FCRL2: variants seen among roughly 807,000 people sequenced by gnomAD.
FCRL2 encodes the protein Fc receptor-like protein 2.
FCRL2 carries 48 observed loss-of-function variants against 59.8 expected under a neutral mutation model. The ratio of observed to expected loss-of-function variants is 0.80; its 90% CI spans 0.64 to 1.02. FCRL2 has a LOEUF of 1.02. Ranked by LOEUF, FCRL2 falls within the 50% of genes least tolerant of loss-of-function variation. The probability of loss-of-function intolerance (pLI) is 0.00; values close to 1 mark genes in which losing one functional copy is unlikely to be tolerated. For synonymous variants in FCRL2, 251 were observed against 229.5 expected (o/e 1.09, Z -0.85); for missense variants, 658 against 597.3 (o/e 1.10, Z -1.06).
intron 7 of FCRL2, among the ~76,000 whole-genome samples, chr1:157,758,508 T>C (rs11587175): frequency 6.6e-5 from 10 of 151,622 alleles, no homozygotes; most frequent in Non-Finnish European, 1.5e-4. Context: ...TATTCCATGC[T>C]CATGGATAGG....
At chr1:157,771,872 T>A (rs533309487) in intron 2 of FCRL2, among the ~76,000 whole-genome samples, 1 of 152,032 alleles carries the variant, frequency 6.6e-6, no homozygotes, top group Non-Finnish European at 1.5e-5. Context: ...AAATAAGAGA[T>A]GTGGTGACTC....
In FCRL2 at chr1:157,768,660, C is replaced by T. The variant is rs777531752; in HGVS notation, c.637G>A (p.Gly213Arg). ...TTTTGTCCTTCAGTCACCTGTCCCC[C>T]GGGGGCCCGGATCTCCAAGCTTACA... The part of the protein sequence containing the change: ...SNVSLEIRAP[G>R]GQVTEGQKLI... Residue 213 changes from glycine (G) to arginine (R), a missense_variant, in exon 5 of 12, where the codon GGG becomes AGG. Physicochemically the swap from Gly to Arg is moderately radical, Grantham distance 125. Transcript: ENST00000361516. The T allele has an allele frequency of 4.2e-5, 68 of 1,613,700 alleles. No individual in the cohort carries two copies. In the East Asian group the frequency reaches 6.7e-4, roughly 16 times the overall value.
intron 2 of FCRL2, among the ~76,000 whole-genome samples, chr1:157,771,116 C>T (rs1649988412): frequency 2.0e-5 from 3 of 152,156 alleles, no homozygotes; most frequent in Non-Finnish European, 4.4e-5. Context: ...CCAAAGGCCC[C>T]ACCTACAAAT....
At position 157,770,118 on chromosome 1, in the gene FCRL2, A is replaced by T. The variant is rs1195456304; in HGVS notation, c.343T>A (p.Ser115Thr). Residue 115 changes from serine (S) to threonine (T), a missense_variant, in exon 4 of 12, where the codon TCC becomes ACC. Coordinates refer to ENST00000361516, the MANE Select transcript of FCRL2 (RefSeq NM_030764.4). ...GGACCCCCTTCGATGGGCTGGAAGG[A>T]GCTGGCAGTCAGCACAGGACGTTGA... ...LFQRPVLTAS[S>T]FQPIEGGPVS... 1.2e-6 allele frequency: 2 copies of T among 1,614,100 alleles called. No individual in the cohort carries two copies. The highest frequency in any genetic ancestry group is 3.3e-5 in the Admixed American group (2 of 60,024).
chr1:157,772,846 A>C (rs1163702618), intron 2 of FCRL2, among the ~76,000 whole-genome samples: 1 of 152,182 alleles, frequency 6.6e-6, no homozygotes, highest in East Asian at 1.9e-4. Flanking sequence ...TTTACTTAAG[A>C]GGTTCCAGAG....
In FCRL2 at chr1:157,746,591, A is replaced by G. The variant is rs552045772; in HGVS notation, c.*145T>C. On this transcript the variant is annotated 3_prime_UTR_variant, in exon 12 of 12. Transcript: ENST00000361516. ...AAGATATTGGAGAAGAAACATCATCAGGACAAAAATGACAGGAGGTGCCTC... is the reference window on the plus strand; with the variant it reads ...AAGATATTGGAGAAGAAACATCATCGGGACAAAAATGACAGGAGGTGCCTC... 1.2e-5 allele frequency: 8 copies of G among 675,168 alleles called. No homozygotes were observed. The highest frequency in any genetic ancestry group is 1.1e-4 in the South Asian group (6 of 53,790). 41.8% of individuals were successfully genotyped at this position (675,168 alleles called of 1,614,324 possible).
chr1:157,773,495 G>A (rs1348693408), intron 2 of FCRL2, among the ~76,000 whole-genome samples: 1 of 152,230 alleles, frequency 6.6e-6, no homozygotes, highest in Non-Finnish European at 1.5e-5. Context: ...AAATGAAGGT[G>A]ACTTGAAGTC....
chr1:157,770,774 A>G (rs1259563612), intron 2 of FCRL2, 108 bp from the exon 3 acceptor site: 2 of 1,219,030 alleles, frequency 1.6e-6, no homozygotes, highest in Admixed American at 2.5e-5. Flanking sequence ...TTTAAACAAG[A>G]TGGAAGTTCC....
chr1:157,776,937 G>C (rs1488116200), intron 1 of FCRL2, 106 bp downstream of exon 1: 1 of 1,098,364 alleles, frequency 9.1e-7, no homozygotes, highest in Non-Finnish European at 1.4e-6. Flanking sequence ...GGCAGGACCT[G>C]AGCATCCCCA....
rs1245453647 is a variant in FCRL2 at position 157,770,430 on chromosome 1, T to C, written c.289A>G (p.Ile97Val). The change falls in exon 3 of 12, where the codon ATA becomes GTA. Residue 97 changes from isoleucine to valine, a missense_variant. Physicochemically the swap from Ile to Val is conservative, Grantham distance 29 (BLOSUM62 3). Transcript: ENST00000361516. ...TTACCTTGGACTTTTATCTTTACTATATTTGAAGTTTTATCCCAGAGAAAG... is the reference window on the plus strand; with the variant it reads ...TTACCTTGGACTTTTATCTTTACTACATTTGAAGTTTTATCCCAGAGAAAG... ...QLFLWDKTSN[I>V]VKIKVQELFQ... 1 of 1,613,808 alleles carries C rather than the reference T, an allele frequency of 6.2e-7. No individual in the cohort carries two copies.
chr1:157,766,628 ATAATT>A, intron 7 of FCRL2: 1 of 568,050 alleles, frequency 1.8e-6, no homozygotes, highest in Non-Finnish European at 2.9e-6. Context: ...GAATGTGTAA[ATAATT>A]TAATCTCCAG....
intron 5 of FCRL2, chr1:157,767,710 G>A (rs918483877): frequency 4.3e-5 from 67 of 1,550,488 alleles, no homozygotes; most frequent in African/African-American, 5.5e-5. Context: ...TCTGGGTGCT[G>A]CCTGCAGACA....
At chr1:157,772,224 A>G (rs1040236297) in intron 2 of FCRL2, among the ~76,000 whole-genome samples, 1 of 152,058 alleles carries the variant, frequency 6.6e-6, no homozygotes. Flanking sequence ...CCTGTAGAGA[A>G]CACCACTGGG....
At chr1:157,758,494 A>G (rs1309565096) in intron 7 of FCRL2, among the ~76,000 whole-genome samples, 1 of 152,160 alleles carries the variant, frequency 6.6e-6, no homozygotes, top group Non-Finnish European at 1.5e-5. Flanking sequence ...AACAAATGAA[A>G]AAATATTCCA....
chr1:157,760,380 T>C (rs1429023600), intron 7 of FCRL2, among the ~76,000 whole-genome samples: 1 of 151,922 alleles, frequency 6.6e-6, no homozygotes, highest in Non-Finnish European at 1.5e-5. Context: ...GCCAGCACTT[T>C]GCGAGGCCGA....
At chr1:157,751,022 T>C (rs1472910866) in intron 7 of FCRL2, among the ~76,000 whole-genome samples, 2 of 152,144 alleles carry the variant, frequency 1.3e-5, no homozygotes, top group African/African-American at 2.4e-5. Context: ...GTCTATAATT[T>C]GTCAATTTAA....
At chr1:157,775,967 T>A (rs180746189) in intron 1 of FCRL2, among the ~76,000 whole-genome samples, 172 bp from the exon 2 acceptor site, 130 of 152,354 alleles carry the variant, frequency 8.5e-4, no homozygotes, top group African/African-American at 2.9e-3. Flanking sequence ...CACATCTAAC[T>A]GTCATTCATT....
At chr1:157,760,832 C>T (rs1022764893) in intron 7 of FCRL2, among the ~76,000 whole-genome samples, 5 of 147,576 alleles carry the variant, frequency 3.4e-5, no homozygotes, top group Non-Finnish European at 7.5e-5. Flanking sequence ...GAAGGAAGGG[C>T]TGCCTATTTG....
rs1649733867 is a variant in FCRL2, at chr1:157,768,666, C to T, written c.631G>A (p.Ala211Thr). ...PISNVSLEIRAPGGQVTEGQK... is the reference protein window; with the variant it reads ...PISNVSLEIRTPGGQVTEGQK... Reference sequence around the variant, plus strand: ...CCTTCAGTCACCTGTCCCCCGGGGGCCCGGATCTCCAAGCTTACATTAGAG... The same window carrying T: ...CCTTCAGTCACCTGTCCCCCGGGGGTCCGGATCTCCAAGCTTACATTAGAG... The change falls in exon 5 of 12, where the codon GCC becomes ACC. Residue 211 changes from alanine (A) to threonine (T), a missense_variant. Transcript: ENST00000361516. The T allele has an allele frequency of 6.2e-7, 1 of 1,613,416 alleles. No homozygotes were observed. The highest frequency in any genetic ancestry group is 1.3e-5 in the African/African-American group (1 of 74,880).
Sources: allele counts gnomAD v4.1 joint callset (sites outside exome capture counted in the v4.1 genomes callset), GRCh38; gene constraint gnomAD v4.1.1; transcripts MANE v1.5; gene names NCBI Gene and HGNC (gene_info 2026-07-23, HGNC 2026-07-21).